Variants in RBM19 observed in about 807,000 individuals in gnomAD.
RBM19 encodes RNA binding motif protein 19, also known as probable RNA-binding protein 19.
A neutral mutation model predicts 116.8 loss-of-function variants in RBM19; 94 were observed. The observed-to-expected ratio is 0.80, with a 90% CI of 0.68 to 0.95. The LOEUF (loss-of-function observed/expected upper bound fraction) is 0.95. Ranked by LOEUF, RBM19 falls within the 40% of genes least tolerant of loss-of-function variation. RBM19 has a pLI of 0.00. For synonymous variants in RBM19, 475 were observed against 494.1 expected, an observed-to-expected ratio of 0.96 and a Z score of 0.51; for missense variants, 1,161 against 1,220.7, an observed-to-expected ratio of 0.95 and a Z score of 0.73.
At chr12:113,951,875 C>A (rs1229421365) in intron 8 of RBM19, among the ~76,000 whole-genome samples, 1 of 152,238 alleles carries the variant, frequency 6.6e-6, no homozygotes, top group Non-Finnish European at 1.5e-5. Context: ...ACACATCCAG[C>A]GGCTTCCAGC....
At chr12:113,946,921 C>T (rs564110357) in intron 11 of RBM19, among the ~76,000 whole-genome samples, 102 of 152,314 alleles carry the variant, frequency 6.7e-4, no homozygotes, top group African/African-American at 2.4e-3. Flanking sequence ...AGGATGTATG[C>T]TAAGTATATT....
Position 113,942,432 on chromosome 12 carries a change from C to A in RBM19, c.1629G>T (p.Glu543Asp). The part of the protein sequence containing the change: ...NATKSQVFDH[E>D]TKGSVAVRVA... ...CGCGCACGGCCACGCTGCCCTTGGTCTCCTGTGGAAGAGGAAAGGAAGAGT... is the reference window on the plus strand; with the variant it reads ...CGCGCACGGCCACGCTGCCCTTGGTATCCTGTGGAAGAGGAAAGGAAGAGT... Residue 543 changes from glutamate (E) to aspartate (D), a missense_variant and splice_region_variant, in exon 14 of 24, where the codon GAG (glutamate) becomes GAT (aspartate). Physicochemically the swap from Glu to Asp is conservative, Grantham distance 45. Transcript: ENST00000261741. 6.2e-7 allele frequency: 1 copy of A among 1,604,164 alleles called. No homozygotes were observed. The highest frequency in any genetic ancestry group is 2.2e-5 in the East Asian group (1 of 44,712).
At chr12:113,927,022 G>A (rs1233191918) in intron 17 of RBM19, 32 bp downstream of exon 17, 6 of 1,596,728 alleles carry the variant, frequency 3.8e-6, no homozygotes, top group Non-Finnish European at 2.6e-6. Flanking sequence ...CCCATCCCAC[G>A]CCCCTCCCTC....
chr12:113,827,573 T>C (rs1319820336), intron 23 of RBM19, among the ~76,000 whole-genome samples: 2 of 151,928 alleles, frequency 1.3e-5, no homozygotes, highest in African/African-American at 4.8e-5. Flanking sequence ...TGGGGTTTTG[T>C]TCTGGAAGCA....
intron 21 of RBM19, among the ~76,000 whole-genome samples, chr12:113,912,382 C>T (rs1464889160): frequency 2.0e-5 from 3 of 152,230 alleles, no homozygotes; most frequent in East Asian, 3.9e-4. Flanking sequence ...ATGACACACT[C>T]GCTGTCATTT....
chr12:113,961,185 G>C (rs1248566747), intron 2 of RBM19, among the ~76,000 whole-genome samples: 1 of 152,118 alleles, frequency 6.6e-6, no homozygotes, highest in Non-Finnish European at 1.5e-5. Context: ...ACCATGCCCG[G>C]CTAATTTTTT....
At chr12:113,868,033 C>T (rs894825683) in intron 21 of RBM19, among the ~76,000 whole-genome samples, 3 of 152,194 alleles carry the variant, frequency 2.0e-5, no homozygotes, top group African/African-American at 7.2e-5. Flanking sequence ...CAGGCACCTT[C>T]GGTAGTCACA....
At chr12:113,907,800 C>T (rs1882167272) in intron 21 of RBM19, among the ~76,000 whole-genome samples, 1 of 152,184 alleles carries the variant, frequency 6.6e-6, no homozygotes, top group Admixed American at 6.5e-5. Context: ...TTTTCCCAGC[C>T]AGGGCCAGAG....
intron 20 of RBM19, 145 bp downstream of exon 20, chr12:113,918,247 G>T (rs1432129547): frequency 1.3e-6 from 1 of 767,374 alleles, no homozygotes; most frequent in East Asian, 2.7e-5. Context: ...ACATAATTAG[G>T]CATCTTAATT....
At chr12:113,848,064 G>A (rs913604241) in intron 22 of RBM19, among the ~76,000 whole-genome samples, 5 of 152,168 alleles carry the variant, frequency 3.3e-5, no homozygotes, top group African/African-American at 9.7e-5. Context: ...GCAAGCTGCT[G>A]AACCTCTCTG....
chr12:113,850,361 T>G (rs987312959), intron 22 of RBM19, among the ~76,000 whole-genome samples: 1 of 152,208 alleles, frequency 6.6e-6, no homozygotes. Flanking sequence ...ATGATCCAGC[T>G]CTCTGGCTCT....
chr12:113,956,017 T>A (rs536392105), intron 6 of RBM19, among the ~76,000 whole-genome samples: 36 of 152,236 alleles, frequency 2.4e-4, no homozygotes, highest in African/African-American at 8.7e-4. Context: ...AGTGCTACCA[T>A]GAGTGCCTTT....
intron 21 of RBM19, among the ~76,000 whole-genome samples, chr12:113,866,294 C>T (rs1468599625): frequency 1.3e-5 from 2 of 152,122 alleles, no homozygotes; most frequent in Non-Finnish European, 2.9e-5. Context: ...GAAAAATGGC[C>T]TAGATTCCAA....
At chr12:113,836,216 A>G (rs1188639195) in intron 23 of RBM19, among the ~76,000 whole-genome samples, 1 of 152,084 alleles carries the variant, frequency 6.6e-6, no homozygotes, top group Non-Finnish European at 1.5e-5. Context: ...GCCAGCAAGG[A>G]AGGGAGGGAG....
intron 6 of RBM19, 39 bp from the exon 7 acceptor site, chr12:113,955,250 A>G: frequency 3.2e-6 from 5 of 1,583,016 alleles, no homozygotes; most frequent in Non-Finnish European, 4.3e-6. Context: ...GGCCACACTA[A>G]CCCTTCGTAC....
chr12:113,868,095 A>G (rs2135758757), intron 21 of RBM19, among the ~76,000 whole-genome samples: 1 of 152,336 alleles, frequency 6.6e-6, no homozygotes, highest in South Asian at 2.1e-4. Flanking sequence ...AATATAGTCC[A>G]TGTATTACTC....
At chr12:113,878,997 A>T (rs1349407169) in intron 21 of RBM19, among the ~76,000 whole-genome samples, 2 of 152,034 alleles carry the variant, frequency 1.3e-5, no homozygotes, top group Admixed American at 1.3e-4. Flanking sequence ...CAGAACTAAG[A>T]ACTAGACCGT....
Position 113,824,253 on chromosome 12 carries a change from G to A in RBM19, c.2786-932C>T, listed in dbSNP as rs1002190423. ...AGGTCTGAAGTCACTCAGCTAAGAA[G>A]CGGTGGAGCCAGGATTCGAACCCCA... On this transcript the variant is annotated intron_variant, in intron 23 of 23. Transcript: ENST00000261741. 3.3e-5 allele frequency among the ~76,000 whole-genome samples: 5 copies of A among 152,196 alleles called. No homozygotes were observed. In the East Asian group the frequency reaches 9.6e-4, roughly 29 times the overall value.
At chr12:113,955,829 G>A (rs945569726) in intron 6 of RBM19, among the ~76,000 whole-genome samples, 3 of 152,220 alleles carry the variant, frequency 2.0e-5, no homozygotes, top group African/African-American at 7.2e-5. Flanking sequence ...TTGCAGAAAT[G>A]TGACTGCGCT....
Sources: gnomAD v4.1 joint callset for allele counts (sites outside exome capture counted in the v4.1 genomes callset) on GRCh38, gnomAD v4.1.1 for gene constraint, MANE v1.5 for transcripts, NCBI Gene and HGNC (gene_info 2026-07-23, HGNC 2026-07-21) for gene names.